TUBA4A: variants seen among roughly 807,000 people sequenced by gnomAD.
TUBA4A encodes tubulin alpha-4A chain.
A neutral mutation model predicts 34.3 loss-of-function variants in TUBA4A; 23 were observed. The ratio of observed to expected loss-of-function variants is 0.67; its 90% CI spans 0.48 to 0.95. The LOEUF is 0.95. Among genes scored for constraint, TUBA4A ranks in the 40% least tolerant of loss-of-function variants. The probability of loss-of-function intolerance (pLI) is 0.00; values close to 1 mark genes in which losing one functional copy is unlikely to be tolerated. For synonymous variants in TUBA4A, 216 were observed against 230.5 expected (o/e 0.94, Z 0.57); for missense variants, 279 against 599.0 (o/e 0.47, Z 5.58).
chr2:219,253,920 C>A (rs2125071902), upstream of TUBA4A: 1 of 1,346,406 alleles, frequency 7.4e-7, no homozygotes, highest in Non-Finnish European at 9.7e-7. Flanking sequence ...GAGAACTGCG[C>A]TAGCTGCAGT....
rs141146222 is a variant in TUBA4A at position 219,251,045 on chromosome 2, G to A, written c.654C>T (p.Asp218=). Residue 218 remains aspartate (D), a synonymous_variant, in exon 4 of 4, where the codon GAC becomes GAT. Transcript: ENST00000248437. This position sits in a 1 kb window ranked among gnomAD's most constrained non-coding sequence, Gnocchi z 6.1. ...AIYDICRRNL[D]IERPTYTNLN... ...GGTTGGTGTAGGTTGGGCGCTCGATGTCTAGGTTGCGGCGGCAGATGTCAT... is the reference window on the plus strand; with the variant it reads ...GGTTGGTGTAGGTTGGGCGCTCGATATCTAGGTTGCGGCGGCAGATGTCAT... 8 of 1,614,114 alleles carry A rather than the reference G, an allele frequency of 5.0e-6. No individual in the cohort carries two copies. The African/African-American group carries it at 1.1e-4, about 22-fold the overall frequency.
At position 219,251,362 on chromosome 2, in the gene TUBA4A, GAGGGGCCTGAGGGACTC is replaced by G. The variant is rs1951644407; in HGVS notation, c.376-56_376-40del. The G allele has an allele frequency of 1.3e-6, 2 of 1,556,170 alleles. No individual in the cohort carries two copies. Among genetic ancestry groups the G allele is most frequent in the Admixed American group, 3.8e-5 (2 of 52,958 alleles). On this transcript the variant is annotated intron_variant, in intron 3 of 3. Coordinates refer to ENST00000248437, the MANE Select transcript of TUBA4A (RefSeq NM_006000.3). This position sits in a 1 kb window ranked among gnomAD's most constrained non-coding sequence, Gnocchi z 6.1. ...ACGAGAAAGAACAGTTTAGGTAGGGGAGGGGCCTGAGGGACTCTATCACCTGGCTCCATAAAGCGTAA... is the reference window on the plus strand; with the variant it reads ...ACGAGAAAGAACAGTTTAGGTAGGGGTATCACCTGGCTCCATAAAGCGTAA...
chr2:219,253,358 G>C (rs563727011), intron 1 of TUBA4A: 8 of 1,528,146 alleles, frequency 5.2e-6, no homozygotes, highest in African/African-American at 2.8e-5. Context: ...GAGTCACGGG[G>C]GGGGGGTGGT....
chr2:219,253,952 G>C (rs899360049), upstream of TUBA4A: 58 of 1,158,494 alleles, frequency 5.0e-5, 1 homozygote, highest in Middle Eastern at 1.6e-3. Context: ...CTTATAGGCG[G>C]GGGGGGGGCG....
Position 219,253,251 on chromosome 2 carries a change from C to A in TUBA4A, c.3+605G>T, listed in dbSNP as rs572432268. On this transcript the variant is annotated intron_variant, in intron 1 of 3. Transcript: ENST00000248437. ...AGTGCTCAGCGCCAGCTGTCTCTGC[C>A]CATCCGCGCACCCGGGCTTCGGCTG... 2.0e-6 allele frequency: 3 copies of A among 1,494,086 alleles called. No individual in the cohort carries two copies. In the South Asian group the frequency reaches 3.9e-5, roughly 20 times the overall value. The allele number at this position is 1,494,086 out of a possible 1,614,324, so 92.6% of individuals were successfully genotyped here.
intron 1 of TUBA4A, chr2:219,253,492 G>T: frequency 8.0e-7 from 1 of 1,247,932 alleles, no homozygotes; most frequent in Non-Finnish European, 1.1e-6. Flanking sequence ...GACTGGGGAT[G>T]TAAGAGGGCA....
rs532913310 is a variant in TUBA4A at position 219,250,246 on chromosome 2, C to T, written c.*106G>A. 1.0e-4 allele frequency: 148 copies of T among 1,467,606 alleles called. No homozygotes were observed. In the African/African-American group the frequency reaches 1.9e-3, roughly 19 times the overall value. 90.9% of individuals were successfully genotyped at this position (1,467,606 alleles called of 1,614,324 possible). The stretch of plus-strand genomic sequence containing the variant: ...AGCAGCAGCAGCATGAAGGGGAAGG[C>T]AGCAGAAGCTCAAGCACTCAGAGGG... On this transcript the variant is annotated 3_prime_UTR_variant, in exon 4 of 4. Transcript: ENST00000248437. This position sits in a 1 kb window ranked among gnomAD's most constrained non-coding sequence, Gnocchi z 8.4.
rs1221449097 is a variant in TUBA4A at position 219,250,616 on chromosome 2, A to G, written c.1083T>C (p.Thr361=). 5 of 1,614,142 alleles carry G rather than the reference A, an allele frequency of 3.1e-6. No homozygotes were observed. The highest frequency in any genetic ancestry group is 1.1e-5 in the South Asian group (1 of 91,090). The change falls in exon 4 of 4, where the codon ACT becomes ACC. Residue 361 remains threonine, a synonymous_variant. Coordinates refer to ENST00000248437, the MANE Select transcript of TUBA4A (RefSeq NM_006000.3). The surrounding 1 kb of genome is among the most constrained non-coding windows in gnomAD (Gnocchi z 8.4). ...FKVGINYQPP[T]VVPGGDLAKV... is the part of the protein sequence containing the mutation. Reference sequence around the variant, plus strand: ...TGGCCAGGTCACCCCCAGGCACCACAGTGGGAGGCTGGTAGTTGATACCAA... The same window carrying G: ...TGGCCAGGTCACCCCCAGGCACCACGGTGGGAGGCTGGTAGTTGATACCAA...
rs932429520 is a variant in TUBA4A, at chr2:219,250,187, G to A, written c.*165C>T. On this transcript the variant is annotated 3_prime_UTR_variant, in exon 4 of 4. Transcript: ENST00000248437. The surrounding 1 kb of genome is among the most constrained non-coding windows in gnomAD (Gnocchi z 8.4). ...CCCCTTTGCAGGTCTCACCTTCAGC[G>A]ATGGAAGGGATAAGGGTCATGAACA... The A allele has an allele frequency of 1.9e-6, 2 of 1,034,470 alleles. No individual in the cohort carries two copies. Among genetic ancestry groups the A allele is most frequent in the South Asian group, 1.6e-5 (1 of 63,010 alleles). The allele number at this position is 1,034,470 out of a possible 1,614,324, so 64.1% of individuals were successfully genotyped here.
chr2:219,250,886 G>T lies in TUBA4A; in HGVS notation c.813C>A (p.Thr271=). 8 of 1,614,166 alleles carry T rather than the reference G, an allele frequency of 5.0e-6. No homozygotes were observed. Among genetic ancestry groups the T allele is most frequent in the Non-Finnish European group, 6.8e-6 (8 of 1,180,030 alleles). Residue 271 remains threonine (T), a synonymous_variant, in exon 4 of 4, where the codon ACC becomes ACA. Transcript: ENST00000248437. This position sits in a 1 kb window ranked among gnomAD's most constrained non-coding sequence, Gnocchi z 8.4. ...TTTCTGCAGAGATGACTGGTGCATA[G>T]GTGGCCAGGGGGAAGTGGATGCGAG... ...PYPRIHFPLA[T]YAPVISAEKA...
Position 219,250,306 on chromosome 2 carries a change from A to G in TUBA4A, c.*46T>C. The stretch of plus-strand genomic sequence containing the variant: ...CCGTGCAAGGAAACTGTTTATTTCG[A>G]AAGGATTTTGCAATAAACATAGTGA... On this transcript the variant is annotated 3_prime_UTR_variant, in exon 4 of 4. Coordinates refer to ENST00000248437, the MANE Select transcript of TUBA4A (RefSeq NM_006000.3). The surrounding 1 kb of genome is among the most constrained non-coding windows in gnomAD (Gnocchi z 8.4). 4.5e-6 allele frequency: 7 copies of G among 1,554,066 alleles called. No homozygotes were observed. The highest frequency in any genetic ancestry group is 6.1e-6 in the Non-Finnish European group (7 of 1,149,582).
In TUBA4A at chr2:219,252,257, C is replaced by A; in HGVS notation, c.4-27G>T. On this transcript the variant is annotated intron_variant, in intron 1 of 3. Coordinates refer to ENST00000248437, the MANE Select transcript of TUBA4A (RefSeq NM_006000.3). The surrounding 1 kb of genome is among the most constrained non-coding windows in gnomAD (Gnocchi z 4.1). ...TGAGGGATAGAGAGAGGGGACACAG[C>A]ATGAGCCCCACATCCACAAGTCCTC... The A allele has an allele frequency of 1.3e-6, 2 of 1,586,584 alleles. No homozygotes were observed. Among genetic ancestry groups the A allele is most frequent in the African/African-American group, 2.7e-5 (2 of 74,524 alleles).
Position 219,250,685 on chromosome 2 carries a change from C to T in TUBA4A, c.1014G>A (p.Lys338=). 6.2e-7 allele frequency: 1 copy of T among 1,614,232 alleles called. No homozygotes were observed. Among genetic ancestry groups the T allele is most frequent in the South Asian group, 1.1e-5 (1 of 91,090 alleles). ...VNAAIAAIKT[K]RSIQFVDWCP... is the part of the protein sequence containing the mutation. ...ACCAGTCCACAAACTGAATGCTGCG[C>T]TTGGTCTTGATGGCGGCAATGGCAG... is the stretch of plus-strand genomic sequence containing the variant. Residue 338 remains lysine, a synonymous_variant, in exon 4 of 4, where the codon AAG becomes AAA. Coordinates refer to ENST00000248437, the MANE Select transcript of TUBA4A (RefSeq NM_006000.3). The surrounding 1 kb of genome is among the most constrained non-coding windows in gnomAD (Gnocchi z 8.4).
At chr2:219,253,805 A>G in intron 1 of TUBA4A, 51 bp downstream of exon 1, 1 of 1,536,992 alleles carries the variant, frequency 6.5e-7, no homozygotes, top group Non-Finnish European at 8.8e-7. Flanking sequence ...TGTCCCCCAA[A>G]GGAGAGGGGC....
chr2:219,252,706 C>T lies in TUBA4A; in HGVS notation c.4-476G>A, dbSNP rs72955459. ...TGCCCTCCTCCCTCACCTTTAAATC[C>T]CATCTGGCTCTGGGGATCAATCCCA... On this transcript the variant is annotated intron_variant, in intron 1 of 3. Coordinates refer to ENST00000248437, the MANE Select transcript of TUBA4A (RefSeq NM_006000.3). The surrounding 1 kb of genome is among the most constrained non-coding windows in gnomAD (Gnocchi z 4.1). 0.029 allele frequency: 13,305 copies of T among 452,284 alleles called. 330 individuals carry two copies. Among genetic ancestry groups the T allele is most frequent in the Non-Finnish European group, 0.039 (8,342 of 213,974 alleles). 28.0% of individuals were successfully genotyped at this position (452,284 alleles called of 1,614,324 possible).
chr2:219,251,826 G>C lies in TUBA4A; in HGVS notation c.227-113C>G, dbSNP rs1951653439. 23 of 1,441,108 alleles carry C rather than the reference G, an allele frequency of 1.6e-5. No homozygotes were observed. The South Asian group carries it at 3.1e-4, about 19-fold the overall frequency. The allele number at this position is 1,441,108 out of a possible 1,614,324, so 89.3% of individuals were successfully genotyped here. On this transcript the variant is annotated intron_variant, in intron 2 of 3. Coordinates refer to ENST00000248437, the MANE Select transcript of TUBA4A (RefSeq NM_006000.3). The surrounding 1 kb of genome is among the most constrained non-coding windows in gnomAD (Gnocchi z 6.1). ...ATCCTCCTGCCAGCCTGAGATACCAGAGTGTGAGAGAAACCCAGACCAGCT... is the reference window on the plus strand; with the variant it reads ...ATCCTCCTGCCAGCCTGAGATACCACAGTGTGAGAGAAACCCAGACCAGCT...
chr2:219,253,909 T>C lies in TUBA4A; in HGVS notation c.-51A>G, dbSNP rs978268561. The C allele has an allele frequency of 1.4e-6, 2 of 1,395,900 alleles. No homozygotes were observed. Among genetic ancestry groups the C allele is most frequent in the Non-Finnish European group, 1.9e-6 (2 of 1,070,928 alleles). The allele number at this position is 1,395,900 out of a possible 1,614,324, so 86.5% of individuals were successfully genotyped here. A position where few individuals can be genotyped will look rare whatever the true frequency, so the allele number is the denominator to read the frequency against. ...GTTGAGTCGGGGTGACAGGTCTCAG[T>C]GAGAACTGCGCTAGCTGCAGTGCCG... On this transcript the variant is annotated 5_prime_UTR_variant, in exon 1 of 4. Coordinates refer to ENST00000248437, the MANE Select transcript of TUBA4A (RefSeq NM_006000.3).
chr2:219,251,928 G>A lies in TUBA4A; in HGVS notation c.226+80C>T, dbSNP rs1307552796. 2 of 1,474,872 alleles carry A rather than the reference G, an allele frequency of 1.4e-6. No individual in the cohort carries two copies. The highest frequency in any genetic ancestry group is 1.4e-5 in the African/African-American group (1 of 72,060). 91.4% of individuals were successfully genotyped at this position (1,474,872 alleles called of 1,614,324 possible). A position where few individuals can be genotyped will look rare whatever the true frequency, so the allele number is the denominator to read the frequency against. On this transcript the variant is annotated intron_variant, in intron 2 of 3. Coordinates refer to ENST00000248437, the MANE Select transcript of TUBA4A (RefSeq NM_006000.3). This position sits in a 1 kb window ranked among gnomAD's most constrained non-coding sequence, Gnocchi z 6.1. ...GGAATTTTCAGGGCTAGGAATGCCTGGTCTAAATACCCTCTCTCTCCAGGG... is the reference window on the plus strand; with the variant it reads ...GGAATTTTCAGGGCTAGGAATGCCTAGTCTAAATACCCTCTCTCTCCAGGG...
In TUBA4A at chr2:219,251,669, G is replaced by A; in HGVS notation, c.271C>T (p.Gln91Ter). Residue 91 changes from glutamine (Q) to a stop codon, truncating the protein, a stop_gained, in exon 3 of 4, where the codon CAG becomes TAG. Coordinates refer to ENST00000248437, the MANE Select transcript of TUBA4A (RefSeq NM_006000.3). LOFTEE classifies it high-confidence loss of function. The surrounding 1 kb of genome is among the most constrained non-coding windows in gnomAD (Gnocchi z 6.1). ...GPYRQLFHPEQLITGKEDAAN... is the reference protein window; with the variant it reads ...GPYRQLFHPE ...GCATCCTCTTTCCCAGTGATGAGCTGCTCTGGGTGGAAGAGCTGTCGGTAT... is the reference window on the plus strand; with the variant it reads ...GCATCCTCTTTCCCAGTGATGAGCTACTCTGGGTGGAAGAGCTGTCGGTAT... The A allele has an allele frequency of 1.9e-6, 3 of 1,614,136 alleles. No homozygotes were observed. The highest frequency in any genetic ancestry group is 1.1e-5 in the South Asian group (1 of 91,084).
Sources: gnomAD v4.1 joint callset for allele counts on GRCh38, gnomAD v4.1.1 for gene constraint, Gnocchi (gnomAD v3.1) non-coding constraint, MANE v1.5 for transcripts, NCBI Gene and HGNC (gene_info 2026-07-23, HGNC 2026-07-21) for gene names.